Variants in CDH13 observed in about 807,000 individuals in gnomAD.
CDH13 encodes the protein cadherin-13.
In CDH13, 24 loss-of-function variants were observed where a neutral mutation model predicts 63.8. The observed-to-expected ratio is 0.38, with a 90% CI of 0.27 to 0.53. The LOEUF (loss-of-function observed/expected upper bound fraction) is 0.53, where lower values mean the gene tolerates loss of function less well. CDH13 is among the 20% of genes least tolerant of loss of function. The pLI is 0.85. For missense variants in CDH13, 1,049 were observed against 903.1 expected, an observed-to-expected ratio of 1.16 and a Z score of -2.07; for synonymous variants, 503 against 355.3, an observed-to-expected ratio of 1.42 and a Z score of -4.67.
intron 10 of CDH13, among the ~76,000 whole-genome samples, chr16:83,724,864 C>T (rs543887335): frequency 3.9e-5 from 6 of 152,266 alleles, no homozygotes; most frequent in African/African-American, 1.4e-4. Context: ...CCTTTGGGTA[C>T]AACTCTATAT....
At chr16:82,772,514 C>T (rs1567517978) in intron 1 of CDH13, among the ~76,000 whole-genome samples, 1 of 152,182 alleles carries the variant, frequency 6.6e-6, no homozygotes, top group Non-Finnish European at 1.5e-5. Flanking sequence ...AGCAAGGTCT[C>T]TCAACCTGAG....
intron 1 of CDH13, among the ~76,000 whole-genome samples, chr16:82,831,991 C>T (rs951957971): frequency 4.6e-5 from 7 of 152,130 alleles, no homozygotes; most frequent in Non-Finnish European, 7.3e-5. Flanking sequence ...AAAAGAGCAA[C>T]GCTTGGAAGC....
chr16:82,786,306 G>A (rs1295875140), intron 1 of CDH13, among the ~76,000 whole-genome samples: 1 of 151,928 alleles, frequency 6.6e-6, no homozygotes, highest in Non-Finnish European at 1.5e-5. Flanking sequence ...AACCATCATA[G>A]ATATTTCAGG....
intron 1 of CDH13, among the ~76,000 whole-genome samples, chr16:82,630,329 A>T (rs192881963): frequency 3.3e-5 from 5 of 152,248 alleles, no homozygotes; most frequent in Admixed American, 3.3e-4. Flanking sequence ...CACCTGTCTG[A>T]ATATTTTTTT....
rs1597218323 is a variant in CDH13 at position 83,047,601 on chromosome 16, C to T, written c.366+15383C>T. On this transcript the variant is annotated intron_variant, in intron 3 of 13. Transcript: ENST00000567109. The surrounding 1 kb of genome is among the most constrained non-coding windows in gnomAD (Gnocchi z 4.9). ...GCTCCCTGTATTTTCCCAAATTCTG[C>T]ATAAATAAAATAATATGCTCCATAA... Among the ~76,000 whole-genome samples, 1 of 152,158 alleles carries T rather than the reference C, an allele frequency of 6.6e-6. No homozygotes were observed. The highest frequency in any genetic ancestry group is 1.9e-4 in the East Asian group (1 of 5,198).
intron 2 of CDH13, among the ~76,000 whole-genome samples, chr16:82,972,192 T>A (rs1908856956): frequency 6.6e-6 from 1 of 152,026 alleles, no homozygotes; most frequent in East Asian, 1.9e-4. Flanking sequence ...GGGAAACAGA[T>A]CAATAGAATG....
intron 6 of CDH13, among the ~76,000 whole-genome samples, chr16:83,457,907 G>C (rs1486347872): frequency 6.6e-6 from 1 of 152,184 alleles, no homozygotes; most frequent in African/African-American, 2.4e-5. Context: ...AGGGAATTTT[G>C]CTTTTCCAGC....
At chr16:82,884,924 G>A (rs1227639075) in intron 2 of CDH13, among the ~76,000 whole-genome samples, 1 of 152,192 alleles carries the variant, frequency 6.6e-6, no homozygotes, top group Non-Finnish European at 1.5e-5. Context: ...TACAGCTCTA[G>A]TCTAAAGCTC....
intron 2 of CDH13, among the ~76,000 whole-genome samples, chr16:83,027,373 C>G (rs567024555): frequency 6.6e-6 from 1 of 152,218 alleles, no homozygotes; most frequent in East Asian, 1.9e-4. Flanking sequence ...AAAGAGAATG[C>G]TTGAAGAAGT....
chr16:82,787,436 G>T (rs961945584), intron 1 of CDH13, among the ~76,000 whole-genome samples: 1 of 152,232 alleles, frequency 6.6e-6, no homozygotes, highest in Non-Finnish European at 1.5e-5. Context: ...ACAGAAGGCA[G>T]ATGTCGGTGG....
intron 3 of CDH13, among the ~76,000 whole-genome samples, chr16:83,067,055 C>G (rs145624531): frequency 2.6e-5 from 4 of 152,142 alleles, no homozygotes; most frequent in African/African-American, 4.8e-5. Flanking sequence ...GATGACTGAC[C>G]GTTTTAAGCG....
chr16:83,646,017 C>G (rs1911757274), intron 8 of CDH13, among the ~76,000 whole-genome samples: 1 of 152,176 alleles, frequency 6.6e-6, no homozygotes, highest in Non-Finnish European at 1.5e-5. Context: ...CACATCCAGC[C>G]TCGCCCCGTT....
At chr16:82,980,149 G>T (rs1429395554) in intron 2 of CDH13, among the ~76,000 whole-genome samples, 1 of 152,176 alleles carries the variant, frequency 6.6e-6, no homozygotes, top group African/African-American at 2.4e-5. Flanking sequence ...CTCTGAAGTG[G>T]AGACAGTGAG....
chr16:83,320,403 C>T (rs555882618), intron 5 of CDH13, among the ~76,000 whole-genome samples: 1 of 152,236 alleles, frequency 6.6e-6, no homozygotes, highest in Admixed American at 6.5e-5. Flanking sequence ...CAAGACCAAT[C>T]TAGGAAAAGT....
chr16:82,734,313 T>A (rs1439015257), intron 1 of CDH13, among the ~76,000 whole-genome samples: 1 of 152,240 alleles, frequency 6.6e-6, no homozygotes, highest in African/African-American at 2.4e-5. Context: ...GTTTACTATT[T>A]GGCCTTTTAT....
At chr16:83,581,947 A>G (rs944403741) in intron 7 of CDH13, among the ~76,000 whole-genome samples, 2 of 152,242 alleles carry the variant, frequency 1.3e-5, no homozygotes, top group African/African-American at 4.8e-5. Context: ...CTCATCCAGA[A>G]TGCAGGCTCT....
chr16:83,357,836 T>A (rs1342221173), intron 6 of CDH13, among the ~76,000 whole-genome samples: 1 of 152,154 alleles, frequency 6.6e-6, no homozygotes, highest in East Asian at 1.9e-4. Context: ...GGTACCTTTT[T>A]ATAGTGAGCC....
intron 2 of CDH13, among the ~76,000 whole-genome samples, chr16:82,998,598 C>T (rs547974905): frequency 2.6e-4 from 40 of 152,204 alleles, no homozygotes; most frequent in African/African-American, 9.4e-4. Context: ...ATACCTCATG[C>T]CACTCTCAGC....
chr16:83,793,573 A>G (rs1020693168), intron 13 of CDH13, among the ~76,000 whole-genome samples: 5 of 152,158 alleles, frequency 3.3e-5, no homozygotes, highest in East Asian at 1.9e-4. Flanking sequence ...TGGGAACACA[A>G]TGCTACTTTC....
Sources: allele counts gnomAD v4.1 joint callset (sites outside exome capture counted in the v4.1 genomes callset), GRCh38; gene constraint gnomAD v4.1.1; non-coding constraint Gnocchi (gnomAD v3.1); transcripts MANE v1.5; gene names NCBI Gene and HGNC (gene_info 2026-07-23, HGNC 2026-07-21).